MARCHF1: variants seen among roughly 807,000 people sequenced by gnomAD.
MARCHF1 encodes the protein membrane associated ring-CH-type finger 1.
A neutral mutation model predicts 54.2 loss-of-function variants in MARCHF1; 40 were observed. The observed-to-expected ratio is 0.74, with a 90% CI of 0.57 to 0.96. The LOEUF (loss-of-function observed/expected upper bound fraction) is 0.96, where lower values mean the gene tolerates loss of function less well. MARCHF1 is among the 40% of genes least tolerant of loss of function. The pLI is 0.00. For synonymous variants in MARCHF1, 236 were observed against 236.3 expected, an observed-to-expected ratio of 1.00 and a Z score of 0.01; for missense variants, 586 against 656.5, an observed-to-expected ratio of 0.89 and a Z score of 1.17.
rs534709332 is a variant in MARCHF1 at position 163,886,599 on chromosome 4, C to CA, written c.-38-32431dup. On this transcript the variant is annotated intron_variant, in intron 3 of 9. Transcript: ENST00000514618. ...GAGGATGGAGACTTCTGTTAATGTACAAAAAAAGTACAGAAAATGCAAATG... is the reference window on the plus strand; with the variant it reads ...GAGGATGGAGACTTCTGTTAATGTACAAAAAAAAGTACAGAAAATGCAAATG... 2.1e-3 allele frequency among the ~76,000 whole-genome samples: 320 copies of CA among 151,888 alleles called. 2 individuals carry two copies. The highest frequency in any genetic ancestry group is 7.6e-3 in the African/African-American group (313 of 41,440).
At chr4:163,616,646 G>C (rs746485126) in intron 5 of MARCHF1, among the ~76,000 whole-genome samples, 6 of 152,054 alleles carry the variant, frequency 3.9e-5, no homozygotes, top group Admixed American at 6.5e-5. Context: ...TTGGGAGGAT[G>C]TGCTGGAGGC....
chr4:163,863,167 T>A (rs1015533017), intron 3 of MARCHF1, among the ~76,000 whole-genome samples: 1 of 151,936 alleles, frequency 6.6e-6, no homozygotes, highest in Non-Finnish European at 1.5e-5. Flanking sequence ...TTAAAAGACA[T>A]CATTTCGAGT....
chr4:164,201,516 G>A (rs151253338), intron 1 of MARCHF1, among the ~76,000 whole-genome samples: 8 of 152,184 alleles, frequency 5.3e-5, no homozygotes, highest in Non-Finnish European at 8.8e-5. Context: ...CACCGTGCCC[G>A]GCCAAGACTG....
At chr4:163,775,023 C>G (rs189509849) in intron 4 of MARCHF1, among the ~76,000 whole-genome samples, 67 of 152,202 alleles carry the variant, frequency 4.4e-4, no homozygotes, top group African/African-American at 1.5e-3. Flanking sequence ...ATTCTCCCCT[C>G]TCTCAAAGAC....
intron 3 of MARCHF1, among the ~76,000 whole-genome samples, chr4:163,956,403 C>T (rs2110797460): frequency 6.6e-6 from 1 of 152,192 alleles, no homozygotes; most frequent in South Asian, 2.1e-4. Flanking sequence ...GTTAAAGTCA[C>T]TGGTAAATTA....
chr4:164,341,172 A>T (rs1050519178), intron 1 of MARCHF1, among the ~76,000 whole-genome samples: 1 of 152,166 alleles, frequency 6.6e-6, no homozygotes, highest in Non-Finnish European at 1.5e-5. Context: ...GACAAAATTC[A>T]ACATTTTTTC....
chr4:163,581,585 G>C (rs1456629252), intron 8 of MARCHF1, among the ~76,000 whole-genome samples: 1 of 152,160 alleles, frequency 6.6e-6, no homozygotes, highest in African/African-American at 2.4e-5. Context: ...ATGGTAACTT[G>C]TACCAGCACT....
At chr4:163,561,228 CTT>C (rs1361076843) in intron 8 of MARCHF1, among the ~76,000 whole-genome samples, 4 of 152,046 alleles carry the variant, frequency 2.6e-5, no homozygotes, top group Non-Finnish European at 5.9e-5. Flanking sequence ...CAATTAGAAA[CTT>C]TTGTTTGCTT....
intron 2 of MARCHF1, among the ~76,000 whole-genome samples, chr4:164,098,246 G>C (rs909384957): frequency 1.3e-5 from 2 of 152,142 alleles, no homozygotes; most frequent in African/African-American, 2.4e-5. Flanking sequence ...TCTAATTTTT[G>C]AAGTAATTGT....
chr4:164,217,865 G>A (rs1017815658), intron 1 of MARCHF1, among the ~76,000 whole-genome samples: 1 of 152,108 alleles, frequency 6.6e-6, no homozygotes, highest in Non-Finnish European at 1.5e-5. Flanking sequence ...CCCTCGCCCT[G>A]AGTGTAAGAA....
intron 1 of MARCHF1, chr4:164,188,332 G>T (rs1731030459): frequency 4.9e-6 from 2 of 405,742 alleles, no homozygotes; most frequent in South Asian, 2.4e-5. Flanking sequence ...GCTGCGGCCG[G>T]TGGCTTCATT....
intron 2 of MARCHF1, among the ~76,000 whole-genome samples, chr4:163,996,313 A>G (rs1471265497): frequency 6.6e-6 from 1 of 152,048 alleles, no homozygotes; most frequent in African/African-American, 2.4e-5. Context: ...AAGTCAATAT[A>G]TATTCTTCTT....
At chr4:163,750,846 C>T (rs1352581125) in intron 4 of MARCHF1, among the ~76,000 whole-genome samples, 1 of 152,108 alleles carries the variant, frequency 6.6e-6, no homozygotes, top group African/African-American at 2.4e-5. Context: ...TTCTGTATTT[C>T]TCTCTGGTAT....
chr4:163,848,677 T>C (rs1749554850), intron 4 of MARCHF1, among the ~76,000 whole-genome samples: 1 of 152,052 alleles, frequency 6.6e-6, no homozygotes, highest in Admixed American at 6.6e-5. Flanking sequence ...AAAAGAGAGG[T>C]TTCTCCCCTG....
At chr4:163,932,257 C>T (rs1461408595) in intron 3 of MARCHF1, among the ~76,000 whole-genome samples, 1 of 152,148 alleles carries the variant, frequency 6.6e-6, no homozygotes, top group Non-Finnish European at 1.5e-5. Context: ...GTGCCAATTA[C>T]TTGAAATAAG....
chr4:163,534,938 C>T (rs1470714901), intron 9 of MARCHF1, among the ~76,000 whole-genome samples: 1 of 151,922 alleles, frequency 6.6e-6, no homozygotes, highest in Non-Finnish European at 1.5e-5. Flanking sequence ...ATAAAAAATA[C>T]AGAAATAATT....
intron 4 of MARCHF1, among the ~76,000 whole-genome samples, chr4:163,733,227 G>A (rs58269939): frequency 0.2 from 2,744 of 13,806 alleles, 539 homozygotes; most frequent in East Asian, 0.27. Context: ...ATATACACGT[G>A]TATATATATA....
chr4:164,209,560 G>C (rs186612702), intron 1 of MARCHF1, among the ~76,000 whole-genome samples: 48 of 152,126 alleles, frequency 3.2e-4, no homozygotes, highest in African/African-American at 1.1e-3. Flanking sequence ...GCAGTACAAA[G>C]CAAATACCAT....
At chr4:163,683,958 T>G (rs746136037) in intron 5 of MARCHF1, among the ~76,000 whole-genome samples, 3 of 152,074 alleles carry the variant, frequency 2.0e-5, no homozygotes, top group Non-Finnish European at 4.4e-5. Flanking sequence ...AGGCTGGGGC[T>G]GAAACAGCTG....
Sources: allele counts gnomAD v4.1 joint callset (sites outside exome capture counted in the v4.1 genomes callset), GRCh38; gene constraint gnomAD v4.1.1; transcripts MANE v1.5; gene names NCBI Gene and HGNC (gene_info 2026-07-23, HGNC 2026-07-21).